The following PAFAH2 variants were observed in gnomAD, a reference collection of about 807,000 sequenced individuals.
PAFAH2 encodes platelet-activating factor acetylhydrolase 2, cytoplasmic.
A neutral mutation model predicts 49.0 loss-of-function variants in PAFAH2; 42 were observed. That is an observed-to-expected ratio of 0.86 (90% CI 0.67 to 1.11). The LOEUF is 1.11. PAFAH2 is among the 50% of genes least tolerant of loss of function. PAFAH2 has a pLI of 0.00. For missense variants in PAFAH2, 503 were observed against 501.8 expected (o/e 1.00, Z -0.02); for synonymous variants, 184 against 181.3 (o/e 1.01, Z -0.12).
At chr1:25,981,509 G>C (rs1281235771) in intron 7 of PAFAH2, among the ~76,000 whole-genome samples, 2 of 152,130 alleles carry the variant, frequency 1.3e-5, no homozygotes, top group East Asian at 3.9e-4. Context: ...GTGGACACAG[G>C]TTGTTTGCTG....
chr1:25,982,160 G>C lies in PAFAH2; in HGVS notation c.666+204C>G, dbSNP rs866696553. On this transcript the variant is annotated intron_variant, in intron 7 of 10. Transcript: ENST00000374282. ...ACAGAGAAACCAAGCCAGGAGAGGG[G>C]AGAGAAGAGTGCCAGGGCTTTGATG... is the stretch of plus-strand genomic sequence containing the variant. Among the ~76,000 whole-genome samples, 2 of 152,150 alleles carry C rather than the reference G, an allele frequency of 1.3e-5. 1 individual carries two copies. Among genetic ancestry groups the C allele is most frequent in the South Asian group, 4.1e-4 (2 of 4,828 alleles).
chr1:25,990,950 A>G (rs1452376015), intron 1 of PAFAH2, 87 bp from the exon 2 acceptor site: 1 of 647,956 alleles, frequency 1.5e-6, no homozygotes, highest in Non-Finnish European at 2.8e-6. Flanking sequence ...TACCCTGTCC[A>G]CCCCTCCTTA....
chr1:25,970,610 C>T (rs549739764), intron 10 of PAFAH2, among the ~76,000 whole-genome samples: 3 of 152,164 alleles, frequency 2.0e-5, no homozygotes, highest in African/African-American at 7.2e-5. Context: ...TTTTTGGAGA[C>T]GGTATCACTC....
In PAFAH2 at chr1:25,993,282, G is replaced by C. The variant is rs1346138432; in HGVS notation, c.-47-2419C>G. On this transcript the variant is annotated intron_variant, in intron 1 of 10. Coordinates refer to ENST00000374282, the MANE Select transcript of PAFAH2 (RefSeq NM_000437.4). ...GATTAAATTATTCTGCTTCCTTTAA[G>C]ATGCTCTGGGAGGGATTCAGGAGTT... Among the ~76,000 whole-genome samples the C allele has an allele frequency of 6.1e-4, 93 of 152,178 alleles. 1 individual carries two copies.
At chr1:25,973,848 T>A (rs753182393) in intron 9 of PAFAH2, among the ~76,000 whole-genome samples, 4 of 152,146 alleles carry the variant, frequency 2.6e-5, no homozygotes, top group Non-Finnish European at 1.5e-5. Context: ...GCAGGAGCAG[T>A]CCGTGAGATC....
chr1:25,986,914 T>G (rs966214059), intron 4 of PAFAH2, among the ~76,000 whole-genome samples: 1 of 152,156 alleles, frequency 6.6e-6, no homozygotes, highest in Non-Finnish European at 1.5e-5. Flanking sequence ...GGCACTGCTT[T>G]GAGTGCTGGA....
At chr1:25,967,935 G>A (rs559908577) in intron 10 of PAFAH2, among the ~76,000 whole-genome samples, 1 of 152,266 alleles carries the variant, frequency 6.6e-6, no homozygotes, top group African/African-American at 2.4e-5. Context: ...GGTGGCCGAG[G>A]TGGGCGGATG....
chr1:25,973,584 TTCAGGCAGTGTCTA>T (rs1483415357), intron 9 of PAFAH2, among the ~76,000 whole-genome samples: 1 of 152,120 alleles, frequency 6.6e-6, no homozygotes, highest in Non-Finnish European at 1.5e-5. Context: ...TGGGGAAGCA[TTCAGGCAGTGTCTA>T]CTGCCATGAA....
chr1:25,967,725 GCAGA>G (rs977947216), intron 10 of PAFAH2, among the ~76,000 whole-genome samples: 6 of 152,302 alleles, frequency 3.9e-5, no homozygotes, highest in Middle Eastern at 3.4e-3. Flanking sequence ...AAAAGCGAAA[GCAGA>G]CATTCTTTTG....
chr1:25,989,113 A>G (rs140825309), intron 3 of PAFAH2, among the ~76,000 whole-genome samples: 1 of 152,350 alleles, frequency 6.6e-6, no homozygotes, highest in Non-Finnish European at 1.5e-5. Flanking sequence ...CATTTATGGA[A>G]CACATTATAT....
At chr1:25,976,580 T>A in intron 8 of PAFAH2, 102 bp downstream of exon 8, 1 of 787,198 alleles carries the variant, frequency 1.3e-6, no homozygotes, top group South Asian at 1.6e-5. Context: ...GAATCCTCAG[T>A]CCCTAAACAG....
rs1314181645 is a variant in PAFAH2 at position 25,989,471 on chromosome 1, C to A, written c.221G>T (p.Gly74Val). The change falls in exon 3 of 11, where the codon GGC becomes GTC. Residue 74 changes from glycine (G) to valine (V), a missense_variant. Physicochemically the swap from Gly to Val is moderately radical, Grantham distance 109. Transcript: ENST00000374282. Reference sequence around the variant, plus strand: ...ACCCACCGCCAGGTTGAACAGCAAGCCCCCGCAGCGCTTATTAAACTGCAG... The same window carrying A: ...ACCCACCGCCAGGTTGAACAGCAAGACCCCGCAGCGCTTATTAAACTGCAG... ...EYLQFNKRCG[G>V]LLFNLAVGSC... The A allele has an allele frequency of 6.2e-7, 1 of 1,604,724 alleles. No homozygotes were observed. Among genetic ancestry groups the A allele is most frequent in the Non-Finnish European group, 8.5e-7 (1 of 1,175,354 alleles).
At chr1:25,977,314 A>G (rs1445167372) in intron 7 of PAFAH2, among the ~76,000 whole-genome samples, 1 of 150,754 alleles carries the variant, frequency 6.6e-6, no homozygotes, top group Non-Finnish European at 1.5e-5. Flanking sequence ...TTACTTTTGT[A>G]ATCTCACCAC....
At chr1:25,975,192 C>A (rs2049570833) in intron 8 of PAFAH2, among the ~76,000 whole-genome samples, 1 of 152,110 alleles carries the variant, frequency 6.6e-6, no homozygotes, top group Non-Finnish European at 1.5e-5. Context: ...AAGATTTTGC[C>A]ATTTCCTTCC....
At chr1:25,978,791 T>C (rs922039690) in intron 7 of PAFAH2, among the ~76,000 whole-genome samples, 3 of 152,182 alleles carry the variant, frequency 2.0e-5, no homozygotes, top group African/African-American at 4.8e-5. Context: ...AGCACCCATA[T>C]TGAACTTTAT....
chr1:25,989,544 G>A lies in PAFAH2; in HGVS notation c.148C>T (p.Pro50Ser). 1.9e-6 allele frequency: 3 copies of A among 1,612,594 alleles called. No individual in the cohort carries two copies. Among genetic ancestry groups the A allele is most frequent in the Non-Finnish European group, 2.5e-6 (3 of 1,179,268 alleles). The change falls in exon 3 of 11, where the codon CCC (proline) becomes TCC (serine). Residue 50 changes from proline (P) to serine (S), a missense_variant. Coordinates refer to ENST00000374282, the MANE Select transcript of PAFAH2 (RefSeq NM_000437.4). Reference protein sequence around the residue: ...CQKAEETMEQPLWIPRYEYCT... With the variant: ...CQKAEETMEQSLWIPRYEYCT... ...TACTCATAGCGGGGAATCCACAGGG[G>A]CTGCTCCATGGTCTCCTCTGCCTTT...
At chr1:25,979,319 CTTTTTT>C (rs68030738) in intron 7 of PAFAH2, among the ~76,000 whole-genome samples, 1 of 62,156 alleles carries the variant, frequency 1.6e-5, no homozygotes, top group African/African-American at 4.3e-5. Flanking sequence ...TTACCAATGC[CTTTTTT>C]TTTTTTTTTT....
chr1:25,984,947 C>T lies in PAFAH2; in HGVS notation c.342-419G>A, dbSNP rs1438716770. ...TCGGCTCACTGCAACCTCTGCCTCC[C>T]GGGGTCAAGTGATTCTCCTGCCTCA... On this transcript the variant is annotated intron_variant, in intron 4 of 10. Coordinates refer to ENST00000374282, the MANE Select transcript of PAFAH2 (RefSeq NM_000437.4). Among the ~76,000 whole-genome samples, 11 of 151,584 alleles carry T rather than the reference C, an allele frequency of 7.3e-5. No individual in the cohort carries two copies. The East Asian group carries it at 7.8e-4, about 11-fold the overall frequency.
chr1:25,973,259 T>C (rs890800523), intron 9 of PAFAH2, among the ~76,000 whole-genome samples: 4 of 152,184 alleles, frequency 2.6e-5, no homozygotes, highest in Admixed American at 1.3e-4. Flanking sequence ...TTAAGTCCTT[T>C]GGCAGAAAAT....
Sources: allele counts gnomAD v4.1 joint callset (sites outside exome capture counted in the v4.1 genomes callset), GRCh38; gene constraint gnomAD v4.1.1; transcripts MANE v1.5; gene names NCBI Gene and HGNC (gene_info 2026-07-23, HGNC 2026-07-21).